Variants in IGSF21 observed in about 807,000 individuals in gnomAD.
IGSF21 encodes the protein immunoglobulin superfamily member 21.
In IGSF21, 28 loss-of-function variants were observed where a neutral mutation model predicts 46.8. The ratio of observed to expected loss-of-function variants is 0.60; its 90% CI spans 0.44 to 0.82. The LOEUF is 0.82. Among genes scored for constraint, IGSF21 ranks in the 40% least tolerant of loss-of-function variants. The pLI is 0.00. For synonymous variants in IGSF21, 284 were observed against 273.6 expected (o/e 1.04, Z -0.38); for missense variants, 624 against 665.5 (o/e 0.94, Z 0.69).
At chr1:18,244,140 G>T (rs187313196) in intron 2 of IGSF21, among the ~76,000 whole-genome samples, 1 of 152,228 alleles carries the variant, frequency 6.6e-6, no homozygotes, top group Non-Finnish European at 1.5e-5. Flanking sequence ...CATTCTGGAA[G>T]CGCTTTGCAA....
chr1:18,338,605 C>T (rs1233991420), intron 4 of IGSF21, among the ~76,000 whole-genome samples: 6 of 152,168 alleles, frequency 3.9e-5, no homozygotes, highest in East Asian at 1.9e-4. Flanking sequence ...ACCATCCACA[C>T]GTCCACATCC....
intron 1 of IGSF21, among the ~76,000 whole-genome samples, chr1:18,211,296 G>A (rs997433100): frequency 1.6e-4 from 24 of 152,314 alleles, no homozygotes; most frequent in Admixed American, 9.1e-4. Context: ...CTTTGATCCT[G>A]CAAGAAGAGT....
intron 2 of IGSF21, among the ~76,000 whole-genome samples, chr1:18,232,096 G>A (rs2084633214): frequency 6.6e-6 from 1 of 151,756 alleles, no homozygotes; most frequent in African/African-American, 2.4e-5. Flanking sequence ...TGTCCAACTT[G>A]AGGATGCTTT....
chr1:18,158,213 C>T (rs1221754172), intron 1 of IGSF21, among the ~76,000 whole-genome samples: 3 of 152,154 alleles, frequency 2.0e-5, no homozygotes, highest in Non-Finnish European at 4.4e-5. Flanking sequence ...CCTGCCATGG[C>T]ACCCCTGATG....
intron 1 of IGSF21, among the ~76,000 whole-genome samples, chr1:18,118,796 G>A: frequency 6.6e-6 from 1 of 152,090 alleles, no homozygotes; most frequent in Non-Finnish European, 1.5e-5. Context: ...GTTACCTCAT[G>A]GGGAAGAGTT....
chr1:18,174,006 G>A (rs1019911339), intron 1 of IGSF21, among the ~76,000 whole-genome samples: 3 of 152,118 alleles, frequency 2.0e-5, no homozygotes, highest in African/African-American at 4.8e-5. Flanking sequence ...TGCCCTCCTC[G>A]GCCTCCCAAA....
intron 1 of IGSF21, among the ~76,000 whole-genome samples, chr1:18,184,360 C>T (rs886538049): frequency 6.6e-6 from 1 of 152,194 alleles, no homozygotes; most frequent in African/African-American, 2.4e-5. Flanking sequence ...CCAGGGCCTC[C>T]ACTCTCTTCA....
intron 7 of IGSF21, 124 bp downstream of exon 7, chr1:18,376,519 T>C: frequency 1.2e-6 from 1 of 807,936 alleles, no homozygotes; most frequent in Non-Finnish European, 2.2e-6. Context: ...TCCAGTGGGT[T>C]TCAGTTTCCC....
At chr1:18,129,161 A>G (rs946508729) in intron 1 of IGSF21, among the ~76,000 whole-genome samples, 2 of 152,176 alleles carry the variant, frequency 1.3e-5, no homozygotes, top group Non-Finnish European at 2.9e-5. Context: ...TATTAGCAGT[A>G]TAGCGTTATG....
At chr1:18,195,224 G>T (rs2086995559) in intron 1 of IGSF21, among the ~76,000 whole-genome samples, 1 of 152,196 alleles carries the variant, frequency 6.6e-6, no homozygotes, top group Non-Finnish European at 1.5e-5. Context: ...AAGTAGCAAA[G>T]CTGGATTTGC....
intron 4 of IGSF21, among the ~76,000 whole-genome samples, chr1:18,359,430 GGAAGGAAGGAAA>G (rs2086068338): frequency 1.4e-5 from 2 of 140,290 alleles, no homozygotes; most frequent in African/African-American, 5.4e-5. Context: ...AAGGAAGGAA[GGAAGGAAGGAAA>G]AGAGAAAGAA....
At chr1:18,154,858 G>A (rs1176076768) in intron 1 of IGSF21, among the ~76,000 whole-genome samples, 1 of 151,640 alleles carries the variant, frequency 6.6e-6, no homozygotes, top group Non-Finnish European at 1.5e-5. Context: ...CCTAGAGGAG[G>A]GGTTCCTTGG....
chr1:18,285,422 G>T (rs146455554), intron 2 of IGSF21, among the ~76,000 whole-genome samples: 2,389 of 152,260 alleles, frequency 0.016, 49 homozygotes, highest in African/African-American at 0.054. Flanking sequence ...AGGGCCCAGA[G>T]GTGGGGTCTG....
chr1:18,256,258 G>A (rs1447029538), intron 2 of IGSF21, among the ~76,000 whole-genome samples: 2 of 152,192 alleles, frequency 1.3e-5, no homozygotes, highest in East Asian at 3.9e-4. Context: ...TGCCAAGTCT[G>A]GGTGAGATGC....
At chr1:18,160,509 A>C (rs571933948) in intron 1 of IGSF21, among the ~76,000 whole-genome samples, 2 of 152,228 alleles carry the variant, frequency 1.3e-5, no homozygotes, top group East Asian at 3.9e-4. Flanking sequence ...CTTAAGGCAC[A>C]CTTGGCTCTG....
At chr1:18,323,220 G>A (rs1247648689) in intron 3 of IGSF21, among the ~76,000 whole-genome samples, 1 of 152,162 alleles carries the variant, frequency 6.6e-6, no homozygotes, top group Non-Finnish European at 1.5e-5. Context: ...ATCATGACTG[G>A]CAGGTCTGGG....
chr1:18,265,082 C>A (rs2084978087), intron 2 of IGSF21, among the ~76,000 whole-genome samples: 1 of 152,188 alleles, frequency 6.6e-6, no homozygotes, highest in African/African-American at 2.4e-5. Context: ...TTATTTTGTT[C>A]TATTTTTTGT....
intron 1 of IGSF21, among the ~76,000 whole-genome samples, chr1:18,220,780 G>A (rs1308018117): frequency 6.6e-6 from 1 of 152,144 alleles, no homozygotes; most frequent in Non-Finnish European, 1.5e-5. Flanking sequence ...TGAGGGAGAG[G>A]GCTTAGGGCA....
intron 3 of IGSF21, among the ~76,000 whole-genome samples, chr1:18,293,621 C>T (rs555434748): frequency 1.3e-5 from 2 of 152,244 alleles, no homozygotes; most frequent in South Asian, 4.2e-4. Context: ...ACACCTAAAA[C>T]AAGCCAGTTA....
Sources: allele counts gnomAD v4.1 joint callset (sites outside exome capture counted in the v4.1 genomes callset), GRCh38; gene constraint gnomAD v4.1.1; transcripts MANE v1.5; gene names NCBI Gene and HGNC (gene_info 2026-07-23, HGNC 2026-07-21).